DDX60L: variants seen among roughly 807,000 people sequenced by gnomAD.
The protein encoded by DDX60L is DExD/H-box 60 like.
A neutral mutation model predicts 211.6 loss-of-function variants in DDX60L; 191 were observed. That is an observed-to-expected ratio of 0.90 (90% CI 0.80 to 1.02). The LOEUF is 1.02. Among genes scored for constraint, DDX60L ranks in the 50% least tolerant of loss-of-function variants. DDX60L has a pLI of 0.00. For synonymous variants in DDX60L, 706 were observed against 694.1 expected, an observed-to-expected ratio of 1.02 and a Z score of -0.27; for missense variants, 2,007 against 1,984.1, an observed-to-expected ratio of 1.01 and a Z score of -0.22.
intron 26 of DDX60L, among the ~76,000 whole-genome samples, chr4:168,399,429 T>G (rs920354451): frequency 6.6e-6 from 1 of 152,186 alleles, no homozygotes; most frequent in African/African-American, 2.4e-5. Flanking sequence ...CACAGGAAGC[T>G]GGTGCCCGTG....
rs201361629 is a variant in DDX60L, at chr4:168,371,560, CATAG to C, written c.4928+48_4928+51del. The C allele has an allele frequency of 1.5e-3, 1,566 of 1,025,180 alleles. 18 individuals carry two copies. The African/African-American group carries it at 0.021, about 14-fold the overall frequency. 63.5% of individuals were successfully genotyped at this position (1,025,180 alleles called of 1,614,324 possible). On this transcript the variant is annotated intron_variant, in intron 36 of 37. Transcript: ENST00000682922. ...ATAATATGAATATACAATAATAAAA[CATAG>C]ATATATATGTATGTATATATTTTAC...
At chr4:168,403,079 C>G (rs1226830562) in intron 25 of DDX60L, among the ~76,000 whole-genome samples, 2 of 152,162 alleles carry the variant, frequency 1.3e-5, no homozygotes, top group South Asian at 4.1e-4. Context: ...GGAAAGTAAT[C>G]TAGATAGATG....
intron 1 of DDX60L, among the ~76,000 whole-genome samples, chr4:168,477,271 C>T (rs543462422): frequency 3.3e-5 from 5 of 152,074 alleles, no homozygotes; most frequent in Admixed American, 1.3e-4. Flanking sequence ...AAAAATTAGC[C>T]GGGCGTGGTG....
At chr4:168,440,919 C>T (rs945738667) in intron 10 of DDX60L, among the ~76,000 whole-genome samples, 3 of 151,890 alleles carry the variant, frequency 2.0e-5, no homozygotes, top group Non-Finnish European at 4.4e-5. Flanking sequence ...AGACATTATA[C>T]CGAGAGGAAA....
chr4:168,381,990 G>A (rs1448885905), intron 30 of DDX60L, among the ~76,000 whole-genome samples: 2 of 152,070 alleles, frequency 1.3e-5, no homozygotes, highest in East Asian at 1.9e-4. Context: ...ACTGGGTGTC[G>A]CTGTTCTCTG....
chr4:168,419,490 G>A, intron 18 of DDX60L, 93 bp from the exon 19 acceptor site: 1 of 758,976 alleles, frequency 1.3e-6, no homozygotes, highest in South Asian at 2.4e-5. Context: ...TGCTGCTGCT[G>A]ATAGCAGTTT....
intron 22 of DDX60L, among the ~76,000 whole-genome samples, chr4:168,414,314 C>T (rs1273128194): frequency 6.6e-6 from 1 of 152,066 alleles, no homozygotes; most frequent in Non-Finnish European, 1.5e-5. Flanking sequence ...CACAGAAAAA[C>T]ACAGAATATT....
rs986149251 is a variant in DDX60L at position 168,421,701 on chromosome 4, T to C, written c.2394+59A>G. On this transcript the variant is annotated intron_variant, in intron 17 of 37. Coordinates refer to ENST00000682922, the MANE Select transcript of DDX60L (RefSeq NM_001012967.3). ...TAGATCTAGCATGTGACCGTGTGCATTCTTTTTAAAGGGGATGTTCAGGAA... is the reference window on the plus strand; with the variant it reads ...TAGATCTAGCATGTGACCGTGTGCACTCTTTTTAAAGGGGATGTTCAGGAA... 1.4e-5 allele frequency: 22 copies of C among 1,593,322 alleles called. No individual in the cohort carries two copies. In the Middle Eastern group the frequency reaches 6.7e-4, roughly 48 times the overall value.
In DDX60L at chr4:168,379,374, G is replaced by A. The variant is rs889885382; in HGVS notation, c.4352C>T (p.Pro1451Leu). The change falls in exon 32 of 38, where the codon CCA becomes CTA. Residue 1451 changes from proline to leucine, a missense_variant. Coordinates refer to ENST00000682922, the MANE Select transcript of DDX60L (RefSeq NM_001012967.3). ...AAACCCAAGCTTACCTTTCCAGGCT[G>A]GCTTACAGAGATTATGGAAAAGGCC... is the stretch of plus-strand genomic sequence containing the variant. ...KRGLFHNLCK[P>L]AWKGSQQFSQ... 2 of 1,584,608 alleles carry A rather than the reference G, an allele frequency of 1.3e-6. No homozygotes were observed. Among genetic ancestry groups the A allele is most frequent in the Non-Finnish European group, 1.7e-6 (2 of 1,171,020 alleles).
At chr4:168,470,114 A>C (rs935731869) in intron 4 of DDX60L, 3 of 152,214 alleles carry the variant, frequency 2.0e-5, no homozygotes, top group African/African-American at 7.2e-5. Context: ...TACCAATTAA[A>C]ACACAGGGAC....
chr4:168,395,876 T>C (rs1476835461), intron 27 of DDX60L, 83 bp downstream of exon 27: 2 of 950,158 alleles, frequency 2.1e-6, no homozygotes, highest in Non-Finnish European at 3.3e-6. Flanking sequence ...ACACAAGTCA[T>C]TTCAGTGTTC....
chr4:168,396,616 C>T (rs114083194), intron 26 of DDX60L, among the ~76,000 whole-genome samples: 1,732 of 152,008 alleles, frequency 0.011, 32 homozygotes, highest in East Asian at 0.091. Flanking sequence ...ATTGATTATA[C>T]CATTAAATAC....
At chr4:168,397,188 T>TA (rs1745951727) in intron 26 of DDX60L, among the ~76,000 whole-genome samples, 1 of 152,236 alleles carries the variant, frequency 6.6e-6, no homozygotes, top group Non-Finnish European at 1.5e-5. Flanking sequence ...AGTTTCTGTT[T>TA]AGAAGCCACT....
At chr4:168,463,247 A>G (rs749959772) in intron 4 of DDX60L, among the ~76,000 whole-genome samples, 3 of 152,264 alleles carry the variant, frequency 2.0e-5, no homozygotes, top group Non-Finnish European at 2.9e-5. Context: ...CATTGATGAT[A>G]GACTGGACAA....
chr4:168,398,104 C>A (rs1746140232), intron 26 of DDX60L, among the ~76,000 whole-genome samples: 1 of 152,168 alleles, frequency 6.6e-6, no homozygotes, highest in Admixed American at 6.5e-5. Flanking sequence ...TGGACCCAGG[C>A]ATCTCCACAC....
intron 14 of DDX60L, among the ~76,000 whole-genome samples, chr4:168,424,747 G>A (rs1471052705): frequency 6.6e-6 from 1 of 152,062 alleles, no homozygotes; most frequent in Non-Finnish European, 1.5e-5. Flanking sequence ...ATCTGTAGCA[G>A]AAACTGATAT....
intron 36 of DDX60L, among the ~76,000 whole-genome samples, chr4:168,370,961 T>G (rs1740896773): frequency 6.6e-6 from 1 of 152,030 alleles, no homozygotes; most frequent in Non-Finnish European, 1.5e-5. Context: ...CTAGAACAAG[T>G]GTCACTTTCT....
chr4:168,442,610 C>T (rs1754076279), intron 9 of DDX60L, among the ~76,000 whole-genome samples: 1 of 152,100 alleles, frequency 6.6e-6, no homozygotes, highest in South Asian at 2.1e-4. Flanking sequence ...GTAACCTCTG[C>T]AGACTTAAAT....
At chr4:168,413,435 C>T (rs1749023777) in intron 22 of DDX60L, among the ~76,000 whole-genome samples, 5 of 151,816 alleles carry the variant, frequency 3.3e-5, no homozygotes, top group Admixed American at 3.3e-4. Flanking sequence ...TCATTATGGC[C>T]ACATGGGATT....
Sources: gnomAD v4.1 joint callset for allele counts (sites outside exome capture counted in the v4.1 genomes callset) on GRCh38, gnomAD v4.1.1 for gene constraint, MANE v1.5 for transcripts, NCBI Gene and HGNC (gene_info 2026-07-23, HGNC 2026-07-21) for gene names.